Variants in MAP2 observed in about 807,000 individuals in gnomAD.
The protein encoded by MAP2 is microtubule associated protein 2.
MAP2 carries 14 observed loss-of-function variants against 137.6 expected under a neutral mutation model. The observed-to-expected ratio is 0.10, with a 90% CI of 0.07 to 0.16. The LOEUF is 0.16. Among genes scored for constraint, MAP2 ranks in the 10% least tolerant of loss-of-function variants. MAP2 has a pLI of 1.00. For synonymous variants in MAP2, 786 were observed against 782.3 expected (o/e 1.00, Z -0.08); for missense variants, 2,088 against 2,191.5 (o/e 0.95, Z 0.94).
chr2:209,659,653 A>G (rs1202505383), intron 5 of MAP2, among the ~76,000 whole-genome samples: 1 of 152,164 alleles, frequency 6.6e-6, no homozygotes, highest in Non-Finnish European at 1.5e-5. Context: ...GTTTATTGAT[A>G]CTAAAACATT....
rs752888279 is a variant in MAP2 at position 209,696,554 on chromosome 2, G to A, written c.4193G>A (p.Ser1398Asn). Residue 1398 changes from serine (S) to asparagine (N), a missense_variant, in exon 9 of 16, where the codon AGC becomes AAC. Ser to Asn is a conservative substitution (Grantham distance 46, BLOSUM62 1). Coordinates refer to ENST00000682079, the MANE Select transcript of MAP2 (RefSeq NM_001375505.1). The stretch of plus-strand genomic sequence containing the variant: ...CTTTGATCCACAGATGATGATAGGA[G>A]CATCATGACAGAACAGTTAGAAACT... ...LWVDTQDDDR[S>N]IMTEQLETIP... 68 of 1,610,314 alleles carry A rather than the reference G, an allele frequency of 4.2e-5. No homozygotes were observed. The highest frequency in any genetic ancestry group is 5.6e-5 in the Non-Finnish European group (66 of 1,178,266).
intron 2 of MAP2, among the ~76,000 whole-genome samples, chr2:209,557,552 TG>T (rs1345168832): frequency 3.3e-5 from 5 of 152,198 alleles, no homozygotes; most frequent in Non-Finnish European, 7.3e-5. Context: ...CAGGCATCAC[TG>T]GAAGACTCAT....
chr2:209,431,466 C>T (rs1383706635), intron 1 of MAP2, among the ~76,000 whole-genome samples: 1 of 152,070 alleles, frequency 6.6e-6, no homozygotes, highest in Non-Finnish European at 1.5e-5. Flanking sequence ...TGCCTCTGCC[C>T]CATCACTGAA....
Position 209,693,710 on chromosome 2 carries a change from T to C in MAP2, c.1540T>C (p.Ser514Pro). The change falls in exon 8 of 16, where the codon TCT becomes CCT. Residue 514 changes from serine to proline, a missense_variant. Around this residue, in one of 6 missense-constraint regions of MAP2, gnomAD observed 859 missense variants for 794.5 expected, o/e 1.08. Transcript: ENST00000682079. ...EQAVTDSAMT[S>P]KTLEKAMTEP... ...AGCAGTTACAGATTCAGCCATGACC[T>C]CTAAAACACTGGAGAAAGCCATGAC... 1.9e-6 allele frequency: 3 copies of C among 1,613,250 alleles called. No individual in the cohort carries two copies. Among genetic ancestry groups the C allele is most frequent in the Non-Finnish European group, 2.5e-6 (3 of 1,179,828 alleles).
Position 209,732,647 on chromosome 2 carries a change from A to G in MAP2, c.*2250A>G, listed in dbSNP as rs2075921398. 1 of 152,628 alleles carries G rather than the reference A, an allele frequency of 6.6e-6. No homozygotes were observed. Among genetic ancestry groups the G allele is most frequent in the African/African-American group, 2.4e-5 (1 of 41,446 alleles). 9.5% of individuals were successfully genotyped at this position (152,628 alleles called of 1,614,324 possible). ...AGAAAGAAGTTAACAGCTCATTAGA[A>G]AAGTTTTAACCTGTGAAATAAGTAT... On this transcript the variant is annotated 3_prime_UTR_variant, in exon 16 of 16. Coordinates refer to ENST00000682079, the MANE Select transcript of MAP2 (RefSeq NM_001375505.1).
chr2:209,486,369 G>A (rs1021374248), intron 1 of MAP2, among the ~76,000 whole-genome samples: 1 of 151,966 alleles, frequency 6.6e-6, no homozygotes. Context: ...GACTACCGGA[G>A]TGCGCCACCA....
chr2:209,444,871 A>T (rs1225938123), intron 1 of MAP2, among the ~76,000 whole-genome samples: 1 of 151,458 alleles, frequency 6.6e-6, no homozygotes, highest in African/African-American at 2.4e-5. Context: ...ACTTTATAAA[A>T]TCTCACACTT....
chr2:209,661,485 CAG>C, intron 5 of MAP2: 1 of 984,460 alleles, frequency 1.0e-6, no homozygotes, highest in Non-Finnish European at 1.2e-6. Flanking sequence ...GTGTGCAGAG[CAG>C]AGTTATTTAG....
chr2:209,427,688 A>G (rs963201901), intron 1 of MAP2, among the ~76,000 whole-genome samples: 1 of 152,152 alleles, frequency 6.6e-6, no homozygotes, highest in African/African-American at 2.4e-5. Flanking sequence ...GTATTTATTT[A>G]TTCATTATGA....
At chr2:209,637,985 A>G (rs1297157281) in intron 4 of MAP2, among the ~76,000 whole-genome samples, 5 of 152,150 alleles carry the variant, frequency 3.3e-5, no homozygotes, top group African/African-American at 1.2e-4. Context: ...ATATTGCCAC[A>G]TCTATTAAGA....
At position 209,680,788 on chromosome 2, in the gene MAP2, C is replaced by A. The variant is rs757171238; in HGVS notation, c.415C>A (p.Pro139Thr). Residue 139 changes from proline (P) to threonine (T), a missense_variant, in exon 7 of 16, where the codon CCA becomes ACA. Pro to Thr is a conservative substitution (Grantham distance 38). Transcript: ENST00000682079. ...AGCTAATCTGCCTCCTTCTCCACCC[C>A]CATCACCTGCCTCAGAACAGACTGT... The part of the protein sequence containing the change: ...ETANLPPSPP[P>T]SPASEQTVTV... 1 of 1,613,676 alleles carries A rather than the reference C, an allele frequency of 6.2e-7. No individual in the cohort carries two copies. Among genetic ancestry groups the A allele is most frequent in the Non-Finnish European group, 8.5e-7 (1 of 1,179,710 alleles).
chr2:209,512,945 T>C (rs2061946797), intron 2 of MAP2, among the ~76,000 whole-genome samples: 1 of 152,144 alleles, frequency 6.6e-6, no homozygotes, highest in Non-Finnish European at 1.5e-5. Context: ...CTGCACGCAG[T>C]CCAATTTATA....
intron 5 of MAP2, among the ~76,000 whole-genome samples, chr2:209,664,608 A>T (rs941916691): frequency 8.5e-5 from 13 of 152,138 alleles, no homozygotes; most frequent in African/African-American, 2.9e-4. Context: ...TGGAAATCAC[A>T]TAAACAAAAT....
chr2:209,695,947 C>T lies in MAP2; in HGVS notation c.3777C>T (p.Asp1259=). ...LFRSDTLQIT[D]LGVSGAREEF... ...GCTCAGACACCCTTCAGATAACTGA[C>T]CTGGGTGTCTCAGGTGCCAGGGAGG... The change falls in exon 8 of 16, where the codon GAC becomes GAT. Residue 1259 remains aspartate (D), a synonymous_variant. Coordinates refer to ENST00000682079, the MANE Select transcript of MAP2 (RefSeq NM_001375505.1). The T allele has an allele frequency of 6.2e-7, 1 of 1,614,002 alleles. No homozygotes were observed. Among genetic ancestry groups the T allele is most frequent in the East Asian group, 2.2e-5 (1 of 44,862 alleles).
intron 9 of MAP2, 24 bp from the exon 10 acceptor site, chr2:209,696,893 C>T (rs2060316321): frequency 6.3e-7 from 1 of 1,582,276 alleles, no homozygotes; most frequent in Non-Finnish European, 8.5e-7. Context: ...TGATGGTATG[C>T]TTTTTGTGTT....
At chr2:209,681,952 T>C (rs149395326) in intron 7 of MAP2, among the ~76,000 whole-genome samples, 211 of 152,246 alleles carry the variant, frequency 1.4e-3, no homozygotes, top group African/African-American at 4.5e-3. Context: ...GCTTTTTTTT[T>C]CCAATTTACT....
intron 4 of MAP2, among the ~76,000 whole-genome samples, chr2:209,637,512 GGATGA>G (rs2093665065): frequency 6.6e-6 from 1 of 151,724 alleles, no homozygotes; most frequent in African/African-American, 2.4e-5. Context: ...AGATAAGATA[GGATGA>G]GATGAGATAA....
intron 1 of MAP2, among the ~76,000 whole-genome samples, chr2:209,439,531 T>C (rs1317928963): frequency 6.6e-6 from 1 of 151,554 alleles, no homozygotes; most frequent in Non-Finnish European, 1.5e-5. Context: ...TTGTTTTGTT[T>C]TATTTTTGCT....
chr2:209,681,355 T>A (rs2054491951), intron 7 of MAP2, among the ~76,000 whole-genome samples: 4 of 152,128 alleles, frequency 2.6e-5, no homozygotes, highest in Admixed American at 2.6e-4. Flanking sequence ...AATGAATGAA[T>A]CTGATATTGA....
Sources: allele counts gnomAD v4.1 joint callset (sites outside exome capture counted in the v4.1 genomes callset), GRCh38; gene constraint gnomAD v4.1.1; regional missense constraint gnomAD v4.1.1; transcripts MANE v1.5; gene names NCBI Gene and HGNC (gene_info 2026-07-23, HGNC 2026-07-21).